CTNNA2: variants seen among roughly 807,000 people sequenced by gnomAD.
CTNNA2 encodes the protein catenin alpha-2.
In CTNNA2, 42 loss-of-function variants were observed where a neutral mutation model predicts 101.0. That is an observed-to-expected ratio of 0.42 (90% confidence interval 0.32 to 0.54). The LOEUF (loss-of-function observed/expected upper bound fraction) is 0.54, where lower values mean the gene tolerates loss of function less well. Ranked by LOEUF, CTNNA2 falls within the 20% of genes least tolerant of loss-of-function variation. The probability of loss-of-function intolerance (pLI) is 0.14; values close to 1 mark genes in which losing one functional copy is unlikely to be tolerated. For missense variants in CTNNA2, 871 were observed against 1,223.1 expected (o/e 0.71, Z 4.29); for synonymous variants, 450 against 456.4 (o/e 0.99, Z 0.18).
chr2:80,552,260 G>A (rs1692626006), intron 11 of CTNNA2, among the ~76,000 whole-genome samples: 1 of 152,120 alleles, frequency 6.6e-6, no homozygotes, highest in Non-Finnish European at 1.5e-5. Flanking sequence ...AGCACATGCT[G>A]TTGGAACAAT....
intron 7 of CTNNA2, among the ~76,000 whole-genome samples, chr2:80,310,147 T>C (rs1379531779): frequency 6.6e-6 from 1 of 152,190 alleles, no homozygotes; most frequent in Non-Finnish European, 1.5e-5. Context: ...AGTTTTGTAA[T>C]TGAGAAGCTA....
intron 2 of CTNNA2, among the ~76,000 whole-genome samples, chr2:79,214,605 T>C (rs1674221936): frequency 6.6e-6 from 1 of 151,956 alleles, no homozygotes; most frequent in Admixed American, 6.6e-5. Flanking sequence ...AATGGGATGG[T>C]AATGGGCCTG....
chr2:80,531,526 C>T (rs1690541237), intron 9 of CTNNA2, among the ~76,000 whole-genome samples: 2 of 152,170 alleles, frequency 1.3e-5, no homozygotes, highest in Admixed American at 1.3e-4. Flanking sequence ...GAGAGGTAAG[C>T]CAGATGGCAG....
At chr2:79,582,623 A>G (rs1676217475) in intron 1 of CTNNA2, among the ~76,000 whole-genome samples, 1 of 152,080 alleles carries the variant, frequency 6.6e-6, no homozygotes, top group Non-Finnish European at 1.5e-5. Flanking sequence ...ATTCTTTTCT[A>G]ATTTGTTTTA....
intron 7 of CTNNA2, among the ~76,000 whole-genome samples, chr2:79,947,498 A>T (rs1021901737): frequency 6.6e-6 from 1 of 152,184 alleles, no homozygotes; most frequent in Non-Finnish European, 1.5e-5. Context: ...AGCCTTTCTT[A>T]TAAAGTAGTA....
At chr2:79,452,683 A>G (rs678206) in intron 4 of CTNNA2, among the ~76,000 whole-genome samples, 101,488 of 151,740 alleles carry the variant, frequency 0.67, 34,412 homozygotes, top group African/African-American at 0.78. Context: ...TGAAAGATAA[A>G]CCACATTTAA....
chr2:80,484,686 C>G (rs943092642), intron 9 of CTNNA2, among the ~76,000 whole-genome samples: 2 of 152,050 alleles, frequency 1.3e-5, no homozygotes, highest in Non-Finnish European at 2.9e-5. Context: ...ACTTATAATT[C>G]AAAGGCAGAA....
intron 9 of CTNNA2, among the ~76,000 whole-genome samples, chr2:80,532,866 A>G (rs1690663407): frequency 6.6e-6 from 1 of 152,106 alleles, no homozygotes; most frequent in Non-Finnish European, 1.5e-5. Flanking sequence ...ATCTTTTTCT[A>G]GGTAAACCAA....
At chr2:80,402,251 C>T (rs1678620351) in intron 8 of CTNNA2, among the ~76,000 whole-genome samples, 1 of 152,132 alleles carries the variant, frequency 6.6e-6, no homozygotes, top group African/African-American at 2.4e-5. Context: ...GTGGGTGCAC[C>T]ACCTTCCCTG....
chr2:79,543,617 T>G (rs1270303888), intron 1 of CTNNA2, among the ~76,000 whole-genome samples: 1 of 152,132 alleles, frequency 6.6e-6, no homozygotes, highest in Non-Finnish European at 1.5e-5. Flanking sequence ...TTGTTTAATG[T>G]GTTGGTTTTA....
intron 1 of CTNNA2, among the ~76,000 whole-genome samples, chr2:79,599,060 C>G (rs1677384016): frequency 1.3e-5 from 2 of 152,170 alleles, no homozygotes; most frequent in Middle Eastern, 3.4e-3. Context: ...AAAAGAGTAT[C>G]TTTGCTCCAT....
chr2:79,679,613 C>T (rs4852508), intron 2 of CTNNA2, among the ~76,000 whole-genome samples: 30,321 of 151,970 alleles, frequency 0.2, 3,585 homozygotes, highest in African/African-American at 0.33. Context: ...GTTTCTGTTC[C>T]ATGGCAGCTG....
At chr2:79,539,550 C>CT (rs1301720645) in intron 1 of CTNNA2, among the ~76,000 whole-genome samples, 1 of 152,190 alleles carries the variant, frequency 6.6e-6, no homozygotes, top group Admixed American at 6.5e-5. Context: ...GTAAATCACT[C>CT]TGATTTTATC....
intron 3 of CTNNA2, among the ~76,000 whole-genome samples, chr2:79,755,991 A>G (rs1445313260): frequency 6.6e-6 from 1 of 151,462 alleles, no homozygotes; most frequent in African/African-American, 2.4e-5. Flanking sequence ...AACATTTGCA[A>G]TAGGTTCATC....
intron 7 of CTNNA2, among the ~76,000 whole-genome samples, chr2:80,115,593 G>C (rs530098401): frequency 2.0e-5 from 3 of 152,288 alleles, no homozygotes; most frequent in East Asian, 3.9e-4. Flanking sequence ...GAGAGAGAGA[G>C]GGGGAGACGG....
intron 3 of CTNNA2, among the ~76,000 whole-genome samples, chr2:79,786,973 T>C (rs549304162): frequency 8.4e-4 from 128 of 152,222 alleles, no homozygotes; most frequent in African/African-American, 3.0e-3. Context: ...TGCCTTGGCA[T>C]TATCTCCCCT....
intron 7 of CTNNA2, among the ~76,000 whole-genome samples, chr2:80,088,674 T>C (rs1573038387): frequency 6.6e-6 from 1 of 152,090 alleles, no homozygotes; most frequent in African/African-American, 2.4e-5. Context: ...AGAAGGATTA[T>C]ATGCACATAG....
At chr2:80,544,543 C>A (rs947263128) in intron 9 of CTNNA2, among the ~76,000 whole-genome samples, 14 of 152,002 alleles carry the variant, frequency 9.2e-5, no homozygotes, top group African/African-American at 3.4e-4. Flanking sequence ...GGCAGGGCAC[C>A]ATAATTGTCA....
intron 2 of CTNNA2, among the ~76,000 whole-genome samples, chr2:79,691,308 A>G (rs1684280608): frequency 2.0e-5 from 3 of 151,966 alleles, no homozygotes; most frequent in Admixed American, 1.3e-4. Context: ...AATTATTTTT[A>G]GTCAGTGACC....
Sources: allele counts gnomAD v4.1 joint callset (sites outside exome capture counted in the v4.1 genomes callset), GRCh38; gene constraint gnomAD v4.1.1; transcripts MANE v1.5; gene names NCBI Gene and HGNC (gene_info 2026-07-23, HGNC 2026-07-21).